Variants in MTRFR observed in about 807,000 individuals in gnomAD.
The protein encoded by MTRFR is probable peptide chain release factor C12orf65, mitochondrial.
A neutral mutation model predicts 11.9 loss-of-function variants in MTRFR; 10 were observed. The ratio of observed to expected loss-of-function variants is 0.84; its 90% CI spans 0.52 to 1.42. The LOEUF (loss-of-function observed/expected upper bound fraction) is 1.42, where lower values mean the gene tolerates loss of function less well. Among genes scored for constraint, MTRFR ranks in the 40% most tolerant of loss-of-function variants. The pLI is 0.00. For synonymous variants in MTRFR, 77 were observed against 79.1 expected, an observed-to-expected ratio of 0.97 and a Z score of 0.14; for missense variants, 196 against 197.9, an observed-to-expected ratio of 0.99 and a Z score of 0.06.
chr12:123,247,654 A>G (rs116155027), intron 1 of MTRFR, among the ~76,000 whole-genome samples: 70 of 152,320 alleles, frequency 4.6e-4, no homozygotes, highest in African/African-American at 1.6e-3. Flanking sequence ...TAGTATTGAA[A>G]TGAGGTACCA....
chr12:123,256,652 C>A (rs1329063320), intron 2 of MTRFR, among the ~76,000 whole-genome samples, 161 bp from the exon 3 acceptor site: 1 of 152,122 alleles, frequency 6.6e-6, no homozygotes, highest in East Asian at 1.9e-4. Context: ...GCCAAGATCA[C>A]ACCATTGCAC....
chr12:123,236,863 C>T lies in MTRFR; in HGVS notation c.-29+3332C>T, dbSNP rs572678862. Reference sequence around the variant, plus strand: ...CTTTGAGAGGCCGAGGCGGGCGGATCGCCTGAGGTCAGGAGTTCAACACCA... The same window carrying T: ...CTTTGAGAGGCCGAGGCGGGCGGATTGCCTGAGGTCAGGAGTTCAACACCA... On this transcript the variant is annotated intron_variant, in intron 1 of 2. Coordinates refer to ENST00000253233, the MANE Select transcript of MTRFR (RefSeq NM_152269.5). 3.4e-4 allele frequency among the ~76,000 whole-genome samples: 52 copies of T among 150,780 alleles called. No homozygotes were observed. In the South Asian group the frequency reaches 0.01, roughly 30 times the overall value.
At chr12:123,243,793 C>CT in intron 1 of MTRFR, 1 of 152,310 alleles carries the variant, frequency 6.6e-6, no homozygotes, top group East Asian at 1.9e-4. Context: ...CTCAGTATCA[C>CT]TGTACTGGTT....
chr12:123,256,722 AAAG>A (rs2048185319), intron 2 of MTRFR, 88 bp from the exon 3 acceptor site: 35 of 1,007,634 alleles, frequency 3.5e-5, no homozygotes, highest in Non-Finnish European at 5.4e-5. Context: ...AGTAAATAAA[AAAG>A]CGAACAGGTT....
At chr12:123,235,331 G>C (rs2047827709) in intron 1 of MTRFR, among the ~76,000 whole-genome samples, 1 of 152,098 alleles carries the variant, frequency 6.6e-6, no homozygotes, top group African/African-American at 2.4e-5. Context: ...TTGGCAGGAA[G>C]GCCTTTTTGG....
At chr12:123,251,813 C>A (rs1357045780) in intron 1 of MTRFR, among the ~76,000 whole-genome samples, 2 of 152,196 alleles carry the variant, frequency 1.3e-5, no homozygotes, top group Non-Finnish European at 2.9e-5. Context: ...CTGCATGCTG[C>A]TCTGTCTGAA....
At chr12:123,252,797 C>T (rs893854159) in intron 1 of MTRFR, among the ~76,000 whole-genome samples, 14 of 151,944 alleles carry the variant, frequency 9.2e-5, no homozygotes, top group South Asian at 4.2e-4. Context: ...TGGTGGCACA[C>T]GCCTGTAATC....
chr12:123,241,232 T>C (rs899366665), intron 1 of MTRFR, among the ~76,000 whole-genome samples: 2 of 151,722 alleles, frequency 1.3e-5, no homozygotes, highest in African/African-American at 4.8e-5. Flanking sequence ...CTTCATGGGC[T>C]CCTCCCACCT....
At chr12:123,236,976 T>C (rs1292863536) in intron 1 of MTRFR, among the ~76,000 whole-genome samples, 2 of 151,916 alleles carry the variant, frequency 1.3e-5, no homozygotes, top group Non-Finnish European at 2.9e-5. Flanking sequence ...TCCCAGCTAC[T>C]TGGGAGGCTG....
chr12:123,240,085 C>T (rs573646639), intron 1 of MTRFR, among the ~76,000 whole-genome samples: 2 of 151,510 alleles, frequency 1.3e-5, no homozygotes, highest in South Asian at 2.1e-4. Context: ...AGAGCCTCGC[C>T]GGGCAAGGTG....
chr12:123,244,960 T>TTTTTTTTTTG (rs71085871), intron 1 of MTRFR, among the ~76,000 whole-genome samples: 2 of 118,424 alleles, frequency 1.7e-5, no homozygotes, highest in Non-Finnish European at 3.4e-5. Flanking sequence ...TTTTTTTTTT[T>TTTTTTTTTTG]AGACAGAGTC....
intron 1 of MTRFR, among the ~76,000 whole-genome samples, chr12:123,235,195 T>G (rs2047825540): frequency 6.6e-6 from 1 of 152,208 alleles, no homozygotes; most frequent in African/African-American, 2.4e-5. Context: ...TGTATGATTT[T>G]GTTCGCACTC....
rs552752683 is a variant in MTRFR, at chr12:123,253,910, G to A, written c.236G>A (p.Ser79Asn). The A allele has an allele frequency of 1.9e-6, 3 of 1,614,228 alleles. No individual in the cohort carries two copies. The highest frequency in any genetic ancestry group is 3.3e-5 in the Admixed American group (2 of 60,026). The change falls in exon 2 of 3, where the codon AGC (serine) becomes AAC (asparagine). Residue 79 changes from serine to asparagine, a missense_variant. Transcript: ENST00000253233. ...GPGGQATNKTSNCVVLKHIPS... is the reference protein window; with the variant it reads ...GPGGQATNKTNNCVVLKHIPS... ...GGGGGCCAGGCAACCAACAAAACCA[G>A]CAACTGCGTGGTGCTGAAGCACATC... is the stretch of plus-strand genomic sequence containing the variant.
At chr12:123,253,607 A>G in intron 1 of MTRFR, 40 bp from the exon 2 acceptor site, 1 of 1,589,878 alleles carries the variant, frequency 6.3e-7, no homozygotes, top group Non-Finnish European at 8.6e-7. Flanking sequence ...TTGAGGGCAG[A>G]TGCCTCTTAC....
intron 1 of MTRFR, among the ~76,000 whole-genome samples, chr12:123,239,732 G>A (rs1321079962): frequency 1.3e-5 from 2 of 152,114 alleles, no homozygotes; most frequent in Non-Finnish European, 2.9e-5. Flanking sequence ...GGACACCACT[G>A]TTCTAGAACA....
chr12:123,242,388 C>T (rs1208526050), intron 1 of MTRFR, among the ~76,000 whole-genome samples: 1 of 152,116 alleles, frequency 6.6e-6, no homozygotes, highest in Non-Finnish European at 1.5e-5. Context: ...TCTCTTTTTT[C>T]ATGTCACAAT....
At chr12:123,243,237 T>TTA (rs1484392479) in intron 1 of MTRFR, among the ~76,000 whole-genome samples, 1 of 149,772 alleles carries the variant, frequency 6.7e-6, no homozygotes, top group Non-Finnish European at 1.5e-5. Flanking sequence ...TTAAAACAAT[T>TTA]TTTTTTTTTT....
At position 123,254,131 on chromosome 12, in the gene MTRFR, A is replaced by G. The variant is rs1568427; in HGVS notation, c.282+175A>G. 0.7 allele frequency: 490,683 copies of G among 705,240 alleles called. 179,079 individuals carry two copies. Among genetic ancestry groups the G allele is most frequent in the East Asian group, 0.75 (27,282 of 36,176 alleles). The allele number at this position is 705,240 out of a possible 1,614,324, so 43.7% of individuals were successfully genotyped here. A position where few individuals can be genotyped will look rare whatever the true frequency, so the allele number is the denominator to read the frequency against. On this transcript the variant is annotated intron_variant, in intron 2 of 2. Coordinates refer to ENST00000253233, the MANE Select transcript of MTRFR (RefSeq NM_152269.5). ...GCAGATCTCGTCCCATCCCTGAGCC[A>G]TTCCTCCCTAAGGCAGAACCTCCTA...
At chr12:123,241,141 G>GTT (rs869070643) in intron 1 of MTRFR, among the ~76,000 whole-genome samples, 2 of 148,740 alleles carry the variant, frequency 1.3e-5, no homozygotes, top group African/African-American at 5.0e-5. Context: ...ATTTGGGGTT[G>GTT]TTTTTTTTTT....
Sources: gnomAD v4.1 joint callset for allele counts (sites outside exome capture counted in the v4.1 genomes callset) on GRCh38, gnomAD v4.1.1 for gene constraint, MANE v1.5 for transcripts, NCBI Gene and HGNC (gene_info 2026-07-23, HGNC 2026-07-21) for gene names.